The following SLC9C2 variants were observed in gnomAD, a reference collection of about 807,000 sequenced individuals.
SLC9C2 encodes the protein solute carrier family 9 member C2 (putative).
A neutral mutation model predicts 140.2 loss-of-function variants in SLC9C2; 75 were observed. The ratio of observed to expected loss-of-function variants is 0.53; its 90% confidence interval spans 0.44 to 0.65. The LOEUF (loss-of-function observed/expected upper bound fraction) is 0.65. Ranked by LOEUF, SLC9C2 falls within the 30% of genes least tolerant of loss-of-function variation. SLC9C2 has a pLI of 0.00. For synonymous variants in SLC9C2, 375 were observed against 420.9 expected (o/e 0.89, Z 1.34); for missense variants, 1,074 against 1,331.8 (o/e 0.81, Z 3.01).
At chr1:173,553,208 A>G (rs1663443493) in intron 11 of SLC9C2, among the ~76,000 whole-genome samples, 1 of 152,238 alleles carries the variant, frequency 6.6e-6, no homozygotes, top group South Asian at 2.1e-4. Flanking sequence ...GTTGCTTCTT[A>G]CAGATGAGTA....
chr1:173,521,624 C>T (rs2101947787), intron 21 of SLC9C2, among the ~76,000 whole-genome samples: 1 of 150,812 alleles, frequency 6.6e-6, no homozygotes, highest in East Asian at 1.9e-4. Flanking sequence ...TGCTAATATA[C>T]CACATCAACT....
chr1:173,524,108 A>G lies in SLC9C2; in HGVS notation c.2515-14T>C. 1.3e-6 allele frequency: 2 copies of G among 1,598,638 alleles called. No homozygotes were observed. Among genetic ancestry groups the G allele is most frequent in the Non-Finnish European group, 1.7e-6 (2 of 1,173,476 alleles). On this transcript the variant is annotated splice_polypyrimidine_tract_variant and intron_variant, in intron 20 of 27. Transcript: ENST00000367714. ...TTTAAGAAGTACCTAAAAACAAATA[A>G]TCAAAATAATGGGGATCAGATCCTG...
intron 4 of SLC9C2, among the ~76,000 whole-genome samples, chr1:173,597,225 T>C (rs1666500264): frequency 6.6e-6 from 1 of 151,884 alleles, no homozygotes; most frequent in South Asian, 2.1e-4. Context: ...GAAATAATAA[T>C]AAAACATCAT....
intron 16 of SLC9C2, among the ~76,000 whole-genome samples, 168 bp from the exon 17 acceptor site, chr1:173,533,965 C>T (rs993839656): frequency 2.0e-5 from 3 of 151,998 alleles, no homozygotes; most frequent in African/African-American, 7.2e-5. Context: ...AAATCTTCAC[C>T]ATTTATAATT....
intron 13 of SLC9C2, among the ~76,000 whole-genome samples, chr1:173,543,461 A>C (rs1662593658): frequency 6.6e-6 from 1 of 152,216 alleles, no homozygotes; most frequent in Non-Finnish European, 1.5e-5. Context: ...TGCCATCCCC[A>C]CCAAGCTACC....
At chr1:173,565,484 T>G (rs1157920943) in intron 9 of SLC9C2, among the ~76,000 whole-genome samples, 1 of 152,224 alleles carries the variant, frequency 6.6e-6, no homozygotes. Context: ...CCAATATACG[T>G]TCTTGTCACC....
At chr1:173,571,062 A>C (rs1276631590) in intron 9 of SLC9C2, among the ~76,000 whole-genome samples, 3 of 152,150 alleles carry the variant, frequency 2.0e-5, no homozygotes, top group Non-Finnish European at 4.4e-5. Flanking sequence ...GATAGCTGTT[A>C]AAATGTGGTG....
intron 21 of SLC9C2, among the ~76,000 whole-genome samples, chr1:173,523,275 G>A (rs1201110520): frequency 2.0e-5 from 3 of 152,174 alleles, no homozygotes; most frequent in African/African-American, 7.2e-5. Context: ...GGGAGGCTGA[G>A]GCAGGAGGAT....
chr1:173,547,924 A>T (rs1571530148), intron 12 of SLC9C2, 140 bp from the exon 13 acceptor site: 1 of 639,584 alleles, frequency 1.6e-6, no homozygotes, highest in East Asian at 2.9e-5. Context: ...AGAGCTATGT[A>T]ATGTTTTTTC....
At chr1:173,587,623 C>G (rs764255887) in intron 5 of SLC9C2, 42 bp downstream of exon 5, 6 of 1,520,528 alleles carry the variant, frequency 3.9e-6, no homozygotes, top group Middle Eastern at 3.5e-4. Context: ...ATAATGTACC[C>G]TTATATTTTC....
At position 173,581,841 on chromosome 1, in the gene SLC9C2, C is replaced by G. The variant is rs772610383; in HGVS notation, c.802+6G>C. 27 of 1,524,808 alleles carry G rather than the reference C, an allele frequency of 1.8e-5. No individual in the cohort carries two copies. In the South Asian group the frequency reaches 3.3e-4, roughly 19 times the overall value. 94.5% of individuals were successfully genotyped at this position (1,524,808 alleles called of 1,614,324 possible). On this transcript the variant is annotated splice_donor_region_variant and intron_variant, in intron 7 of 27. Coordinates refer to ENST00000367714, the MANE Select transcript of SLC9C2 (RefSeq NM_178527.4). ...ACAGTAATTTTTGTATTTATTTCAG[C>G]CTTACCAATATAGAAAGTCATGTAC...
chr1:173,582,034 A>T, intron 6 of SLC9C2, 26 bp from the exon 7 acceptor site: 2 of 1,463,302 alleles, frequency 1.4e-6, no homozygotes, highest in Non-Finnish European at 1.8e-6. Context: ...AAAAAATAAG[A>T]AATAAAAACT....
At chr1:173,602,619 AG>A (rs1666854472) in intron 1 of SLC9C2, 131 bp downstream of exon 1, 1 of 152,238 alleles carries the variant, frequency 6.6e-6, no homozygotes, top group African/African-American at 2.4e-5. Context: ...TGCTCTGTGT[AG>A]GATGTAACCT....
Position 173,576,651 on chromosome 1 carries a change from G to T in SLC9C2, c.902+10C>A. The T allele has an allele frequency of 3.2e-6, 5 of 1,579,846 alleles. No homozygotes were observed. Among genetic ancestry groups the T allele is most frequent in the Non-Finnish European group, 4.3e-6 (5 of 1,153,386 alleles). ...ATGAGATCCATCGAAGGGCACGATA[G>T]GAAACTTACTTAGTAATTACAAGTT... On this transcript the variant is annotated intron_variant, in intron 8 of 27. Transcript: ENST00000367714.
chr1:173,568,079 A>C (rs1196755148), intron 9 of SLC9C2, among the ~76,000 whole-genome samples: 1 of 152,082 alleles, frequency 6.6e-6, no homozygotes, highest in East Asian at 1.9e-4. Context: ...GTAGTTTGTC[A>C]TTTTGCATTT....
At chr1:173,506,502 G>T (rs1457797335) in intron 25 of SLC9C2, among the ~76,000 whole-genome samples, 1 of 152,212 alleles carries the variant, frequency 6.6e-6, no homozygotes, top group Admixed American at 6.5e-5. Flanking sequence ...TTGTCAACCA[G>T]TGCAGATACT....
chr1:173,520,193 G>T (rs1558024228), intron 22 of SLC9C2, among the ~76,000 whole-genome samples: 1 of 152,094 alleles, frequency 6.6e-6, no homozygotes, highest in African/African-American at 2.4e-5. Flanking sequence ...TCAGCCTCCT[G>T]AGTAGCTGGG....
At chr1:173,587,634 A>T in intron 5 of SLC9C2, 31 bp downstream of exon 5, 1 of 1,565,102 alleles carries the variant, frequency 6.4e-7, no homozygotes, top group Non-Finnish European at 8.7e-7. Context: ...TTATATTTTC[A>T]AGATAAGAGA....
chr1:173,518,767 C>A (rs1660599060), intron 22 of SLC9C2, among the ~76,000 whole-genome samples: 1 of 152,098 alleles, frequency 6.6e-6, no homozygotes, highest in Non-Finnish European at 1.5e-5. Context: ...ATTCATGCTT[C>A]CAGAAGAGTT....
Sources: gnomAD v4.1 joint callset for allele counts (sites outside exome capture counted in the v4.1 genomes callset) on GRCh38, gnomAD v4.1.1 for gene constraint, MANE v1.5 for transcripts, NCBI Gene and HGNC (gene_info 2026-07-23, HGNC 2026-07-21) for gene names.